The following EEPD1 variants were observed in gnomAD, a reference collection of about 807,000 sequenced individuals.
EEPD1 encodes the protein endonuclease/exonuclease/phosphatase family domain-containing protein 1.
EEPD1 carries 17 observed loss-of-function variants against 46.3 expected under a neutral mutation model. That is an observed-to-expected ratio of 0.37 (90% confidence interval 0.25 to 0.55). The LOEUF (loss-of-function observed/expected upper bound fraction) is 0.55. Ranked by LOEUF, EEPD1 falls within the 20% of genes least tolerant of loss-of-function variation. The pLI is 0.83. For missense variants in EEPD1, 673 were observed against 745.6 expected (o/e 0.90, Z 1.13); for synonymous variants, 313 against 315.6 (o/e 0.99, Z 0.09).
At chr7:36,205,269 T>TA (rs1203258165) in intron 2 of EEPD1, among the ~76,000 whole-genome samples, 2 of 152,244 alleles carry the variant, frequency 1.3e-5, no homozygotes, top group Admixed American at 6.5e-5. Context: ...TTTTGTCCCT[T>TA]ACTCGCTTCT....
intron 2 of EEPD1, among the ~76,000 whole-genome samples, chr7:36,160,732 A>G (rs959733369): frequency 6.6e-6 from 1 of 150,452 alleles, no homozygotes; most frequent in Admixed American, 6.6e-5. Flanking sequence ...AAGCTGTTGC[A>G]GGATTCAAGC....
At chr7:36,237,844 G>A (rs564329104) in intron 2 of EEPD1, among the ~76,000 whole-genome samples, 10 of 152,076 alleles carry the variant, frequency 6.6e-5, no homozygotes, top group East Asian at 3.9e-4. Context: ...CCAGATACTC[G>A]GGAGGCTGAG....
At chr7:36,266,283 A>C (rs1447490778) in intron 3 of EEPD1, among the ~76,000 whole-genome samples, 1 of 152,106 alleles carries the variant, frequency 6.6e-6, no homozygotes, top group Non-Finnish European at 1.5e-5. Flanking sequence ...CTTTTTTTGC[A>C]CTTCAAAGAG....
chr7:36,168,559 C>A (rs920960481), intron 2 of EEPD1, among the ~76,000 whole-genome samples: 2 of 152,082 alleles, frequency 1.3e-5, no homozygotes, highest in Admixed American at 6.6e-5. Flanking sequence ...TCGAGACCAT[C>A]CTGGCTAACA....
chr7:36,219,660 GGAAGGAAAGAAGGAAA>G (rs146669256), intron 2 of EEPD1, among the ~76,000 whole-genome samples: 1 of 146,792 alleles, frequency 6.8e-6, no homozygotes, highest in African/African-American at 2.6e-5. Context: ...GGAAGAGGAA[GGAAGGAAAGAAGGAAA>G]GAAGGAAAGA....
rs143269948 is a variant in EEPD1, at chr7:36,154,419, A to G, written c.95A>G (p.Asn32Ser). ...RKFSAACNFS[N>S]ILVNQERLNI... ...TTCAGCGCAGCCTGTAACTTCAGCA[A>G]CATTCTAGTGAATCAGGAGCGGCTC... The change falls in exon 2 of 8, where the codon AAC (asparagine) becomes AGC (serine). Residue 32 changes from asparagine to serine, a missense_variant. Physicochemically the swap from Asn to Ser is conservative, Grantham distance 46 (BLOSUM62 1). Coordinates refer to ENST00000242108, the MANE Select transcript of EEPD1 (RefSeq NM_030636.3). This position sits in a 1 kb window ranked among gnomAD's most constrained non-coding sequence, Gnocchi z 4.2. The G allele has an allele frequency of 6.2e-4, 995 of 1,614,080 alleles. No homozygotes were observed. The highest frequency in any genetic ancestry group is 8.2e-4 in the Non-Finnish European group (964 of 1,180,056).
chr7:36,156,648 A>G (rs1784829756), intron 2 of EEPD1, among the ~76,000 whole-genome samples: 1 of 152,192 alleles, frequency 6.6e-6, no homozygotes, highest in Non-Finnish European at 1.5e-5. Context: ...AAGTTGGTCC[A>G]GTGGGACTGA....
intron 2 of EEPD1, among the ~76,000 whole-genome samples, chr7:36,192,415 T>C (rs1785477407): frequency 6.6e-6 from 1 of 152,224 alleles, no homozygotes; most frequent in Admixed American, 6.5e-5. Flanking sequence ...GAGTTCTGTC[T>C]GCCTGCTTCT....
intron 3 of EEPD1, among the ~76,000 whole-genome samples, chr7:36,274,152 C>G (rs1787152088): frequency 6.6e-6 from 1 of 152,250 alleles, no homozygotes. Context: ...TGCAGGAACC[C>G]ACCTCCTCTC....
At chr7:36,259,295 C>T (rs1048543528) in intron 3 of EEPD1, among the ~76,000 whole-genome samples, 1 of 152,174 alleles carries the variant, frequency 6.6e-6, no homozygotes, top group African/African-American at 2.4e-5. Flanking sequence ...ATATGGCCAT[C>T]TTGCCAGCCT....
Position 36,281,269 on chromosome 7 carries a change from A to T in EEPD1, c.1041+44A>T, listed in dbSNP as rs1285782396. ...CCTGGCCTTTCCCTTCATTTAATTT[A>T]TACATACTTTTCCCCTAATCAAGGG... is the stretch of plus-strand genomic sequence containing the variant. On this transcript the variant is annotated intron_variant, in intron 4 of 7. Coordinates refer to ENST00000242108, the MANE Select transcript of EEPD1 (RefSeq NM_030636.3). 2.6e-6 allele frequency: 4 copies of T among 1,549,864 alleles called. No homozygotes were observed. The African/African-American group carries it at 5.4e-5, about 21-fold the overall frequency.
chr7:36,284,728 A>C lies in EEPD1; in HGVS notation c.1084A>C (p.Met362Leu). The change falls in exon 5 of 8, where the codon ATG becomes CTG. Residue 362 changes from methionine (M) to leucine (L), a missense_variant. Coordinates refer to ENST00000242108, the MANE Select transcript of EEPD1 (RefSeq NM_030636.3). Reference protein sequence around the residue: ...AGFLWDAAAGMELRDAGSQES... With the variant: ...AGFLWDAAAGLELRDAGSQES... ...ATTCCTATGGGACGCGGCTGCCGGC[A>C]TGGAGCTGAGAGACGCGGGTTCACA... 1.2e-6 allele frequency: 2 copies of C among 1,611,358 alleles called. No individual in the cohort carries two copies. The highest frequency in any genetic ancestry group is 1.1e-5 in the South Asian group (1 of 91,022).
intron 4 of EEPD1, among the ~76,000 whole-genome samples, chr7:36,282,904 C>T (rs1316647388): frequency 6.6e-6 from 1 of 152,100 alleles, no homozygotes; most frequent in Non-Finnish European, 1.5e-5. Context: ...ACAGATAATC[C>T]AAAAAAATTT....
chr7:36,283,203 G>C (rs763324488), intron 4 of EEPD1, among the ~76,000 whole-genome samples: 2 of 152,174 alleles, frequency 1.3e-5, no homozygotes, highest in Non-Finnish European at 2.9e-5. Flanking sequence ...CTGTTCCTCC[G>C]GCTGCTGTTC....
intron 2 of EEPD1, among the ~76,000 whole-genome samples, chr7:36,213,534 G>C (rs1583812663): frequency 6.6e-6 from 1 of 152,322 alleles, no homozygotes; most frequent in East Asian, 1.9e-4. Context: ...GTCATTGTGA[G>C]GGAGAAAACG....
chr7:36,299,435 C>T lies in EEPD1; in HGVS notation c.*229C>T, dbSNP rs1562717489. ...GGGCAAAGCAGAAACCTGCGGGGAG[C>T]GGAGACGCCTTTTATCTCTGGATGC... On this transcript the variant is annotated 3_prime_UTR_variant, in exon 8 of 8. Transcript: ENST00000242108. The T allele has an allele frequency of 8.6e-6, 5 of 584,524 alleles. No individual in the cohort carries two copies. The highest frequency in any genetic ancestry group is 3.0e-5 in the Admixed American group (1 of 32,856). 36.2% of individuals were successfully genotyped at this position (584,524 alleles called of 1,614,324 possible). A position where few individuals can be genotyped will look rare whatever the true frequency, so the allele number is the denominator to read the frequency against.
rs140661507 is a variant in EEPD1 at position 36,217,567 on chromosome 7, C to A, written c.879-21418C>A. Among the ~76,000 whole-genome samples, 56 of 152,296 alleles carry A rather than the reference C, an allele frequency of 3.7e-4. No individual in the cohort carries two copies. The East Asian group carries it at 0.01, about 28-fold the overall frequency. Reference sequence around the variant, plus strand: ...AATGCCTAACCTCCTGGGAATACAGCCTAGTAGGTCTCAGCCTTATTTTAC... The same window carrying A: ...AATGCCTAACCTCCTGGGAATACAGACTAGTAGGTCTCAGCCTTATTTTAC... On this transcript the variant is annotated intron_variant, in intron 2 of 7. Coordinates refer to ENST00000242108, the MANE Select transcript of EEPD1 (RefSeq NM_030636.3).
intron 2 of EEPD1, among the ~76,000 whole-genome samples, chr7:36,205,161 A>T (rs558324071): frequency 6.6e-6 from 1 of 152,092 alleles, no homozygotes; most frequent in Non-Finnish European, 1.5e-5. Context: ...ATGGACAGGG[A>T]GGGGGGTCAC....
chr7:36,296,488 C>T (rs561355185), intron 6 of EEPD1, among the ~76,000 whole-genome samples: 16 of 152,268 alleles, frequency 1.1e-4, no homozygotes, highest in South Asian at 4.1e-4. Context: ...TTGTCTCCTC[C>T]GGGAAGCCTT....
Sources: allele counts gnomAD v4.1 joint callset (sites outside exome capture counted in the v4.1 genomes callset), GRCh38; gene constraint gnomAD v4.1.1; non-coding constraint Gnocchi (gnomAD v3.1); transcripts MANE v1.5; gene names NCBI Gene and HGNC (gene_info 2026-07-23, HGNC 2026-07-21).